SURF1: variants seen among roughly 807,000 people sequenced by gnomAD.
The protein encoded by SURF1 is surfeit locus protein 1.
A neutral mutation model predicts 34.1 loss-of-function variants in SURF1; 45 were observed. The observed-to-expected ratio is 1.32, with a 90% CI of 1.04 to 1.69. SURF1 has a LOEUF of 1.69. SURF1 is among the 40% of genes most tolerant of loss of function. SURF1 has a pLI of 0.00. For synonymous variants in SURF1, 188 were observed against 147.5 expected (o/e 1.27, Z -1.99); for missense variants, 456 against 384.6 (o/e 1.19, Z -1.55).
intron 7 of SURF1, 91 bp from the exon 8 acceptor site, chr9:133,352,233 G>T: frequency 7.1e-7 from 1 of 1,417,316 alleles, no homozygotes; most frequent in Non-Finnish European, 9.7e-7. Context: ...GTGGCCAGTT[G>T]GAAGTCCTGT....
intron 5 of SURF1, 121 bp downstream of exon 5, chr9:133,353,628 T>C: frequency 8.9e-7 from 1 of 1,127,818 alleles, no homozygotes; most frequent in Non-Finnish European, 1.3e-6. Flanking sequence ...TTGAATCTCC[T>C]GGGTATCTTG....
rs2130004883 is a variant in SURF1, at chr9:133,352,129, A to G, written c.765T>C (p.Pro255=). 2 of 1,602,728 alleles carry G rather than the reference A, an allele frequency of 1.2e-6. No individual in the cohort carries two copies. Among genetic ancestry groups the G allele is most frequent in the South Asian group, 1.1e-5 (1 of 89,240 alleles). ...FIDANFQSTV[P]GGPIGGQTRV... is the part of the protein sequence containing the mutation. ...TGGTTTGCCCTCCAATGGGTCCTCC[A>G]GGGACTGTGCTCTCTGTGGAGACAG... Residue 255 remains proline (P), a synonymous_variant, in exon 8 of 9, where the codon CCT becomes CCC. Transcript: ENST00000371974.
In SURF1 at chr9:133,351,898, TCAG is replaced by T. The variant is rs2130002354; in HGVS notation, c.*12_*14del. ...TACTGCATTATCCAGGGACAGGGCT[TCAG>T]CAGCTGATCTGTCACACACCAGGTG... On this transcript the variant is annotated 3_prime_UTR_variant, in exon 9 of 9. Coordinates refer to ENST00000371974, the MANE Select transcript of SURF1 (RefSeq NM_003172.4). The T allele has an allele frequency of 2.5e-6, 4 of 1,612,474 alleles. No individual in the cohort carries two copies. The East Asian group carries it at 8.9e-5, about 36-fold the overall frequency.
rs2130002101 is a variant in SURF1, at chr9:133,351,863, A to G, written c.*50T>C. 2 of 1,578,218 alleles carry G rather than the reference A, an allele frequency of 1.3e-6. No individual in the cohort carries two copies. The highest frequency in any genetic ancestry group is 2.3e-5 in the South Asian group (2 of 88,252). On this transcript the variant is annotated 3_prime_UTR_variant, in exon 9 of 9. Coordinates refer to ENST00000371974, the MANE Select transcript of SURF1 (RefSeq NM_003172.4). ...GTAGCACATGATCCAGCATAAAGGC[A>G]GTCTTGAAATACTGCATTATCCAGG... is the stretch of plus-strand genomic sequence containing the variant.
intron 2 of SURF1, 73 bp downstream of exon 2, chr9:133,356,196 C>T: frequency 1.3e-6 from 2 of 1,520,872 alleles, no homozygotes; most frequent in South Asian, 2.4e-5. Flanking sequence ...CACGACAACC[C>T]TTCAAAGTGC....
Position 133,352,134 on chromosome 9 carries a change from CTG to C in SURF1, c.758_759del (p.Thr253SerfsTer38), listed in dbSNP as rs2130004962. On this transcript the variant is annotated frameshift_variant, in exon 8 of 9. Transcript: ENST00000371974. LOFTEE classifies it high-confidence loss of function. The part of the protein sequence containing the change: ...PIFIDANFQS[T>X]VPGGPIGGQT... ...TGCCCTCCAATGGGTCCTCCAGGGA[CTG>C]TGCTCTCTGTGGAGACAGCAGACTC... 14 of 1,598,184 alleles carry C rather than the reference CTG, an allele frequency of 8.8e-6. No homozygotes were observed. The highest frequency in any genetic ancestry group is 8.0e-5 in the African/African-American group (6 of 74,752).
In SURF1 at chr9:133,352,620, G is replaced by A. The variant is rs1836457897; in HGVS notation, c.589-12C>T. On this transcript the variant is annotated splice_polypyrimidine_tract_variant and intron_variant, in intron 6 of 8. Coordinates refer to ENST00000371974, the MANE Select transcript of SURF1 (RefSeq NM_003172.4). ...ACTTCTCCCTCAATCTATAAAGGAA[G>A]GTGTGTGAGATTGCATGGAGCCTGG... The A allele has an allele frequency of 1.2e-6, 2 of 1,614,128 alleles. No homozygotes were observed. Among genetic ancestry groups the A allele is most frequent in the South Asian group, 1.1e-5 (1 of 91,060 alleles).
intron 4 of SURF1, chr9:133,354,169 G>A: frequency 1.6e-6 from 1 of 606,672 alleles, no homozygotes; most frequent in Non-Finnish European, 2.9e-6. Context: ...TATTTTATGT[G>A]AAATTTTAAA....
chr9:133,352,895 T>G, intron 5 of SURF1, 129 bp from the exon 6 acceptor site: 1 of 1,065,868 alleles, frequency 9.4e-7, no homozygotes, highest in Non-Finnish European at 1.4e-6. Flanking sequence ...GCTGGCTCAG[T>G]GGAGCCCTGG....
intron 5 of SURF1, among the ~76,000 whole-genome samples, chr9:133,353,168 C>T (rs1331751979): frequency 6.6e-6 from 1 of 152,232 alleles, no homozygotes; most frequent in African/African-American, 2.4e-5. Flanking sequence ...GCCCTGGCAC[C>T]CCAGCCTGCT....
chr9:133,355,855 G>GC (rs1836563477), intron 2 of SURF1, among the ~76,000 whole-genome samples: 1 of 151,834 alleles, frequency 6.6e-6, no homozygotes, highest in Non-Finnish European at 1.5e-5. Context: ...CCTGGGGCAG[G>GC]CTTGCACAGC....
intron 7 of SURF1, 41 bp downstream of exon 7, chr9:133,352,405 C>G: frequency 6.2e-7 from 1 of 1,614,102 alleles, no homozygotes; most frequent in Non-Finnish European, 8.5e-7. Context: ...ACAGTATTCA[C>G]AAAAGCTACT....
intron 5 of SURF1, 120 bp downstream of exon 5, chr9:133,353,629 G>T: frequency 8.9e-7 from 1 of 1,128,204 alleles, no homozygotes; most frequent in Non-Finnish European, 1.3e-6. Flanking sequence ...TGAATCTCCT[G>T]GGTATCTTGG....
In SURF1 at chr9:133,351,957, A is replaced by G. The variant is rs1836423684; in HGVS notation, c.859T>C (p.Tyr287His). The change falls in exon 9 of 9, where the codon TAC becomes CAC. Residue 287 changes from tyrosine to histidine, a missense_variant. Physicochemically the swap from Tyr to His is moderately conservative, Grantham distance 83 (BLOSUM62 2). Transcript: ENST00000371974. The part of the protein sequence containing the change: ...TWYGLSAATS[Y>H]LWFKKFLRGT... ...CGTAGGAATTTCTTAAACCACAGGT[A>G]GGATGTAGCTGCAGAGAGTCCATAC... is the stretch of plus-strand genomic sequence containing the variant. The G allele has an allele frequency of 1.2e-6, 2 of 1,613,886 alleles. No individual in the cohort carries two copies. Among genetic ancestry groups the G allele is most frequent in the South Asian group, 1.1e-5 (1 of 91,036 alleles).
chr9:133,353,885 C>G lies in SURF1; in HGVS notation c.379G>C (p.Asp127His). Reference sequence around the variant, plus strand: ...ATCATATACAGCTCCTTGGAATGGTCAAAGCACCCCCTGACCTTCACTGGC... The same window carrying G: ...ATCATATACAGCTCCTTGGAATGGTGAAAGCACCCCCTGACCTTCACTGGC... ...YRPVKVRGCF[D>H]HSKELYMMPR... is the part of the protein sequence containing the mutation. The change falls in exon 5 of 9, where the codon GAC (aspartate) becomes CAC (histidine). Residue 127 changes from aspartate to histidine, a missense_variant. By Grantham distance (81) the Asp-to-His change is moderately conservative. Transcript: ENST00000371974. The G allele has an allele frequency of 1.2e-6, 2 of 1,613,860 alleles. No homozygotes were observed. Among genetic ancestry groups the G allele is most frequent in the Non-Finnish European group, 1.7e-6 (2 of 1,180,034 alleles).
rs2130018269 is a variant in SURF1 at position 133,354,744 on chromosome 9, A to G, written c.241-3T>C. ...AGCTTCCACTTCCGACGCTGGACCT[A>G]CAGTGACAGAGCATAAGGCCAAGCA... On this transcript the variant is annotated splice_polypyrimidine_tract_variant and splice_region_variant and intron_variant, in intron 3 of 8. Transcript: ENST00000371974. 6.2e-7 allele frequency: 1 copy of G among 1,613,730 alleles called. No homozygotes were observed. Among genetic ancestry groups the G allele is most frequent in the South Asian group, 1.1e-5 (1 of 91,086 alleles).
At chr9:133,355,036 C>G in intron 2 of SURF1, 79 bp from the exon 3 acceptor site, 1 of 1,587,038 alleles carries the variant, frequency 6.3e-7, no homozygotes, top group South Asian at 1.1e-5. Context: ...AAGACAGACT[C>G]CAGTACTGCC....
In SURF1 at chr9:133,352,207, T is replaced by A. The variant is rs183853102; in HGVS notation, c.752-65A>T. The A allele has an allele frequency of 0.045, 67,571 of 1,506,100 alleles. 1,773 individuals are homozygous for A. The highest frequency in any genetic ancestry group is 0.051 in the Non-Finnish European group (56,686 of 1,109,190). The allele number at this position is 1,506,100 out of a possible 1,614,324, so 93.3% of individuals were successfully genotyped here. A position where few individuals can be genotyped will look rare whatever the true frequency, so the allele number is the denominator to read the frequency against. On this transcript the variant is annotated intron_variant, in intron 7 of 8. Coordinates refer to ENST00000371974, the MANE Select transcript of SURF1 (RefSeq NM_003172.4). ...TGCCAGCCTCTGCACCACTTCCTAG[T>A]GGCTGTCATTTTTGCGTGGCCAGTT...
At chr9:133,353,375 C>T (rs1044309619) in intron 5 of SURF1, among the ~76,000 whole-genome samples, 1 of 152,180 alleles carries the variant, frequency 6.6e-6, no homozygotes, top group African/African-American at 2.4e-5. Flanking sequence ...GGGAGCCACC[C>T]CTGCCTCCAC....
Sources: gnomAD v4.1 joint callset for allele counts (sites outside exome capture counted in the v4.1 genomes callset) on GRCh38, gnomAD v4.1.1 for gene constraint, MANE v1.5 for transcripts, NCBI Gene and HGNC (gene_info 2026-07-23, HGNC 2026-07-21) for gene names.